Variants in FTO observed in about 807,000 individuals in gnomAD.
FTO encodes FTO alpha-ketoglutarate dependent dioxygenase.
Under a neutral mutation model 63.9 loss-of-function variants are expected in FTO, and 47 were observed. The ratio of observed to expected loss-of-function variants is 0.74; its 90% CI spans 0.58 to 0.94. The LOEUF is 0.94. Ranked by LOEUF, FTO falls within the 40% of genes least tolerant of loss-of-function variation. The probability of loss-of-function intolerance (pLI) is 0.00; values close to 1 mark genes in which losing one functional copy is unlikely to be tolerated. For synonymous variants in FTO, 207 were observed against 224.4 expected, an observed-to-expected ratio of 0.92 and a Z score of 0.69; for missense variants, 562 against 618.1, an observed-to-expected ratio of 0.91 and a Z score of 0.96.
At chr16:53,770,836 G>A (rs1041113417) in intron 1 of FTO, among the ~76,000 whole-genome samples, 8 of 152,132 alleles carry the variant, frequency 5.3e-5, no homozygotes, top group African/African-American at 1.9e-4. Context: ...GTCATTCTTG[G>A]CTTCTTGGAT....
rs1029603254 is a variant in FTO, at chr16:54,104,864, G to T, written c.1365-6898G>T. Among the ~76,000 whole-genome samples the T allele has an allele frequency of 4.6e-5, 7 of 152,168 alleles. 1 individual carries two copies. The stretch of plus-strand genomic sequence containing the variant: ...AGTGTGATGTCTTTCGTTTTTATTT[G>T]CGAGCGTTACAAGCCCTTCTGGCCA... On this transcript the variant is annotated intron_variant, in intron 8 of 8. Transcript: ENST00000471389.
intron 8 of FTO, among the ~76,000 whole-genome samples, chr16:54,060,316 G>A (rs991510998): frequency 1.6e-4 from 25 of 152,214 alleles, no homozygotes; most frequent in African/African-American, 6.0e-4. Flanking sequence ...TGGATAAAAT[G>A]AAAAGTGTAA....
intron 1 of FTO, among the ~76,000 whole-genome samples, chr16:53,777,458 C>A (rs183046727): frequency 3.9e-4 from 59 of 152,178 alleles, no homozygotes; most frequent in Admixed American, 2.3e-3. Flanking sequence ...GTGTGGAATC[C>A]GAAGCTATCT....
intron 8 of FTO, among the ~76,000 whole-genome samples, chr16:54,054,044 G>C (rs1291484189): frequency 6.6e-6 from 1 of 151,866 alleles, no homozygotes; most frequent in Non-Finnish European, 1.5e-5. Flanking sequence ...ACTTTCTGCA[G>C]TTTAGTTATT....
At chr16:53,880,298 G>A (rs147524742) in intron 6 of FTO, among the ~76,000 whole-genome samples, 136 of 152,266 alleles carry the variant, frequency 8.9e-4, no homozygotes, top group African/African-American at 3.1e-3. Context: ...TGCCTGGCAA[G>A]ACTTTCAAGA....
chr16:53,733,057 A>G (rs1297517650), intron 1 of FTO, among the ~76,000 whole-genome samples: 2 of 152,094 alleles, frequency 1.3e-5, no homozygotes, highest in Non-Finnish European at 2.9e-5. Context: ...AATTTAACCT[A>G]TATTTGTTTA....
intron 7 of FTO, among the ~76,000 whole-genome samples, chr16:53,900,146 A>G (rs2151924428): frequency 6.6e-6 from 1 of 152,338 alleles, no homozygotes; most frequent in Non-Finnish European, 1.5e-5. Flanking sequence ...GCATCCACAT[A>G]GCCTGGCATA....
intron 1 of FTO, among the ~76,000 whole-genome samples, chr16:53,742,616 A>C (rs1254702279): frequency 6.6e-6 from 1 of 152,208 alleles, no homozygotes; most frequent in Non-Finnish European, 1.5e-5. Flanking sequence ...GCTTGTGACA[A>C]AACAGGATCC....
intron 8 of FTO, among the ~76,000 whole-genome samples, chr16:54,102,008 G>A (rs1241127615): frequency 1.3e-5 from 2 of 152,044 alleles, no homozygotes; most frequent in African/African-American, 4.8e-5. Flanking sequence ...TTTTAATGGG[G>A]TTGTTTTTCT....
At chr16:53,892,332 C>T (rs1259777166) in intron 7 of FTO, among the ~76,000 whole-genome samples, 1 of 152,052 alleles carries the variant, frequency 6.6e-6, no homozygotes, top group Non-Finnish European at 1.5e-5. Context: ...ACAAAAATAC[C>T]ATTAACTGTC....
At chr16:53,767,511 AT>A (rs1462071786) in intron 1 of FTO, among the ~76,000 whole-genome samples, 6 of 152,076 alleles carry the variant, frequency 3.9e-5, no homozygotes, top group Non-Finnish European at 8.8e-5. Flanking sequence ...AATAAAAAAA[AT>A]AAAAAATAAA....
rs2087004998 is a variant in FTO at position 54,121,489 on chromosome 16, C to T, written c.*9574C>T. 1 of 152,170 alleles carries T rather than the reference C, an allele frequency of 6.6e-6. No homozygotes were observed. Among genetic ancestry groups the T allele is most frequent in the Non-Finnish European group, 1.5e-5 (1 of 68,044 alleles). 9.4% of individuals were successfully genotyped at this position (152,170 alleles called of 1,614,324 possible). A position where few individuals can be genotyped will look rare whatever the true frequency, so the allele number is the denominator to read the frequency against. On this transcript the variant is annotated 3_prime_UTR_variant, in exon 9 of 9. Coordinates refer to ENST00000471389, the MANE Select transcript of FTO (RefSeq NM_001080432.3). ...AAGGTAGTGAAAGGACCAGGGAAAGCCTTCCCACGGGGATGGAGAGCCACC... is the reference window on the plus strand; with the variant it reads ...AAGGTAGTGAAAGGACCAGGGAAAGTCTTCCCACGGGGATGGAGAGCCACC...
chr16:53,734,194 T>G (rs77812201), intron 1 of FTO, among the ~76,000 whole-genome samples: 8,851 of 152,276 alleles, frequency 0.058, 841 homozygotes, highest in African/African-American at 0.2. Flanking sequence ...GTTAGTATAA[T>G]TTGGGAGTGG....
intron 7 of FTO, among the ~76,000 whole-genome samples, chr16:53,928,209 A>C (rs2143136114): frequency 6.6e-6 from 1 of 152,238 alleles, no homozygotes; most frequent in Non-Finnish European, 1.5e-5. Flanking sequence ...CTATTGAAAA[A>C]AAGTACTAAT....
chr16:53,720,659 TTA>T (rs1291774330), intron 1 of FTO, among the ~76,000 whole-genome samples: 1 of 145,642 alleles, frequency 6.9e-6, no homozygotes, highest in Non-Finnish European at 1.5e-5. Context: ...TATATATCTT[TTA>T]TATATATATA....
chr16:53,719,129 A>G (rs1275664456), intron 1 of FTO, among the ~76,000 whole-genome samples: 1 of 152,180 alleles, frequency 6.6e-6, no homozygotes, highest in Non-Finnish European at 1.5e-5. Context: ...TTATGCTAGT[A>G]TCATAAAATG....
At chr16:53,952,035 A>C (rs533324970) in intron 8 of FTO, among the ~76,000 whole-genome samples, 1 of 152,300 alleles carries the variant, frequency 6.6e-6, no homozygotes, top group East Asian at 1.9e-4. Flanking sequence ...AATAGCAGCT[A>C]ACCTCCACTG....
At chr16:53,960,689 G>A (rs1251957698) in intron 8 of FTO, among the ~76,000 whole-genome samples, 1 of 150,702 alleles carries the variant, frequency 6.6e-6, no homozygotes. Context: ...TGACCACAAG[G>A]AATGGGTTCA....
At chr16:54,051,215 C>G (rs1428133939) in intron 8 of FTO, among the ~76,000 whole-genome samples, 3 of 152,064 alleles carry the variant, frequency 2.0e-5, no homozygotes, top group African/African-American at 7.2e-5. Context: ...TGATGAAGGC[C>G]AGAAGAAGAA....
Sources: gnomAD v4.1 joint callset for allele counts (sites outside exome capture counted in the v4.1 genomes callset) on GRCh38, gnomAD v4.1.1 for gene constraint, MANE v1.5 for transcripts, NCBI Gene and HGNC (gene_info 2026-07-23, HGNC 2026-07-21) for gene names.